Variants in TUSC3 observed in about 807,000 individuals in gnomAD.
TUSC3 encodes the protein dolichyl-diphosphooligosaccharide--protein glycosyltransferase subunit TUSC3.
A neutral mutation model predicts 44.8 loss-of-function variants in TUSC3; 45 were observed. That is an observed-to-expected ratio of 1.00 (90% CI 0.79 to 1.29). The LOEUF (loss-of-function observed/expected upper bound fraction) is 1.29. Ranked by LOEUF, TUSC3 falls within the 50% of genes most tolerant of loss-of-function variation. The pLI, the probability that TUSC3 is intolerant of heterozygous loss-of-function variation, is 0.00. For missense variants in TUSC3, 519 were observed against 437.9 expected (o/e 1.19, Z -1.65); for synonymous variants, 212 against 152.9 (o/e 1.39, Z -2.85).
At chr8:15,730,877 C>G in intron 7 of TUSC3, 148 bp downstream of exon 7, 2 of 706,794 alleles carry the variant, frequency 2.8e-6, no homozygotes, top group Admixed American at 2.6e-5. Context: ...ATTTTTTATG[C>G]TAATTATTTC....
At chr8:15,734,129 T>C (rs1249797456) in intron 7 of TUSC3, among the ~76,000 whole-genome samples, 2 of 152,262 alleles carry the variant, frequency 1.3e-5, no homozygotes, top group Admixed American at 1.3e-4. Context: ...ATATTTTCTT[T>C]GTAATTTGTG....
chr8:15,714,353 G>C (rs183268358), intron 6 of TUSC3, among the ~76,000 whole-genome samples: 2 of 152,166 alleles, frequency 1.3e-5, no homozygotes, highest in East Asian at 3.9e-4. Flanking sequence ...AAGTTATTAT[G>C]CCATCATCAA....
chr8:15,603,305 A>G (rs1804370855), intron 1 of TUSC3, among the ~76,000 whole-genome samples: 1 of 151,852 alleles, frequency 6.6e-6, no homozygotes, highest in Non-Finnish European at 1.5e-5. Context: ...TTAGAGGAAT[A>G]TTGAGATGCT....
intron 1 of TUSC3, among the ~76,000 whole-genome samples, chr8:15,596,347 A>G (rs756228663): frequency 6.6e-6 from 1 of 152,184 alleles, no homozygotes; most frequent in Non-Finnish European, 1.5e-5. Flanking sequence ...AGTACAGTAC[A>G]TGGGTTTGAA....
chr8:15,792,391 G>T, the TUSC3 span, among the ~76,000 whole-genome samples: 1 of 152,166 alleles, frequency 6.6e-6, no homozygotes, highest in Middle Eastern at 3.4e-3. Flanking sequence ...GTGGCAAAAA[G>T]ATTTATCTGA....
At chr8:15,845,454 A>C in the TUSC3 span, among the ~76,000 whole-genome samples, 1 of 152,166 alleles carries the variant, frequency 6.6e-6, no homozygotes, top group African/African-American at 2.4e-5. Flanking sequence ...ACCAAATTAC[A>C]TTAGATTATT....
At chr8:15,761,956 T>C (rs994901063) in intron 10 of TUSC3, among the ~76,000 whole-genome samples, 1 of 152,082 alleles carries the variant, frequency 6.6e-6, no homozygotes, top group Non-Finnish European at 1.5e-5. Flanking sequence ...AAAAAATACG[T>C]GTCAGATCTT....
At chr8:15,676,319 G>T (rs534654493) in intron 6 of TUSC3, among the ~76,000 whole-genome samples, 2 of 152,092 alleles carry the variant, frequency 1.3e-5, no homozygotes, top group East Asian at 3.9e-4. Flanking sequence ...TTTTAATGGG[G>T]TTATTTATTT....
At chr8:15,554,421 A>T (rs116750762) in intron 1 of TUSC3, among the ~76,000 whole-genome samples, 2 of 151,486 alleles carry the variant, frequency 1.3e-5, no homozygotes, top group African/African-American at 4.8e-5. Context: ...GAGATGGTAG[A>T]TGCTTTATCA....
the TUSC3 span, among the ~76,000 whole-genome samples, chr8:15,821,359 ATTTT>A: frequency 1.8e-3 from 231 of 131,304 alleles, no homozygotes; most frequent in Non-Finnish European, 2.3e-3. Context: ...GTATCTAGGC[ATTTT>A]TTTTTTTTTT....
intron 1 of TUSC3, among the ~76,000 whole-genome samples, chr8:15,553,908 T>C (rs1278573412): frequency 1.3e-5 from 2 of 151,766 alleles, no homozygotes; most frequent in Non-Finnish European, 2.9e-5. Context: ...TGTTCGTAGA[T>C]ACTTTGTTTT....
downstream of TUSC3, among the ~76,000 whole-genome samples, chr8:15,768,312 C>G (rs1159585991): frequency 6.6e-6 from 1 of 152,096 alleles, no homozygotes; most frequent in Non-Finnish European, 1.5e-5. Context: ...TCACAACAAG[C>G]CGTGATAACA....
At chr8:15,543,533 A>T (rs917516265) in intron 1 of TUSC3, among the ~76,000 whole-genome samples, 1 of 152,130 alleles carries the variant, frequency 6.6e-6, no homozygotes, top group Non-Finnish European at 1.5e-5. Context: ...TAAATATAAT[A>T]CCCATATCTC....
chr8:15,488,129 C>A (rs931771430), intron 2 of TUSC3, among the ~76,000 whole-genome samples: 2 of 151,796 alleles, frequency 1.3e-5, no homozygotes, highest in African/African-American at 2.4e-5. Context: ...ACTCTAAGTC[C>A]CCTCTTTATT....
intron 2 of TUSC3, among the ~76,000 whole-genome samples, chr8:15,510,331 C>T (rs988911349): frequency 6.6e-6 from 1 of 151,872 alleles, no homozygotes; most frequent in Non-Finnish European, 1.5e-5. Flanking sequence ...GAGATCAATA[C>T]AATTGATAAA....
chr8:15,506,129 C>T (rs1164210772), intron 2 of TUSC3, among the ~76,000 whole-genome samples: 1 of 152,170 alleles, frequency 6.6e-6, no homozygotes, highest in African/African-American at 2.4e-5. Context: ...GTGACTTCCA[C>T]ATCATACCAG....
chr8:15,818,607 C>T, the TUSC3 span, among the ~76,000 whole-genome samples: 36 of 152,220 alleles, frequency 2.4e-4, no homozygotes, highest in South Asian at 1.7e-3. Context: ...GTGACTGACA[C>T]GGAGGATCAG....
At chr8:15,442,618 C>T (rs1044627580) in intron 1 of TUSC3, among the ~76,000 whole-genome samples, 1 of 152,260 alleles carries the variant, frequency 6.6e-6, no homozygotes, top group South Asian at 2.1e-4. Flanking sequence ...TGATGTTTCT[C>T]TTAGTAATTT....
the TUSC3 span, chr8:15,806,197 G>C: frequency 4.0e-6 from 2 of 494,610 alleles, no homozygotes; most frequent in Non-Finnish European, 7.8e-6. Context: ...TTTTTATAAA[G>C]ATTCCGTCTT....
Sources: gnomAD v4.1 joint callset for allele counts (sites outside exome capture counted in the v4.1 genomes callset) on GRCh38, gnomAD v4.1.1 for gene constraint, MANE v1.5 for transcripts, NCBI Gene and HGNC (gene_info 2026-07-23, HGNC 2026-07-21) for gene names.